DOT1L: variants seen among roughly 807,000 people sequenced by gnomAD.
DOT1L encodes histone-lysine N-methyltransferase, H3 lysine-79 specific.
A neutral mutation model predicts 153.3 loss-of-function variants in DOT1L; 33 were observed. The observed-to-expected ratio is 0.22, with a 90% CI of 0.16 to 0.29. The LOEUF (loss-of-function observed/expected upper bound fraction) is 0.29, where lower values mean the gene tolerates loss of function less well. Ranked by LOEUF, DOT1L falls within the 10% of genes least tolerant of loss-of-function variation. The probability of loss-of-function intolerance (pLI) is 1.00; values close to 1 mark genes in which losing one functional copy is unlikely to be tolerated. For synonymous variants in DOT1L, 1,135 were observed against 965.1 expected, an observed-to-expected ratio of 1.18 and a Z score of -3.26; for missense variants, 1,847 against 2,119.9, an observed-to-expected ratio of 0.87 and a Z score of 2.53.
At chr19:2,199,527 A>C (rs2023157579) in intron 7 of DOT1L, among the ~76,000 whole-genome samples, 1 of 152,168 alleles carries the variant, frequency 6.6e-6, no homozygotes, top group African/African-American at 2.4e-5. Context: ...TCTGGTCCTG[A>C]GAGTGGCTGC....
chr19:2,211,018 G>T (rs2023692007), intron 14 of DOT1L, 81 bp from the exon 15 acceptor site: 1 of 1,490,280 alleles, frequency 6.7e-7, no homozygotes, highest in Middle Eastern at 1.8e-4. Flanking sequence ...AGGGGTTGCT[G>T]GGCACCTGCC....
Position 2,211,157 on chromosome 19 carries a change from C to G in DOT1L, c.1410C>G (p.His470Gln). The stretch of plus-strand genomic sequence containing the variant: ...AGCTACCTCCGAGCGTGCAGCGGCA[C>G]TCCCCCAACCCGCTGCTGGTGGCGC... ...FYQLPPSVQR[H>Q]SPNPLLVAPT... The change falls in exon 15 of 28, where the codon CAC becomes CAG. Residue 470 changes from histidine to glutamine, a missense_variant. Coordinates refer to ENST00000398665, the MANE Select transcript of DOT1L (RefSeq NM_032482.3). The G allele has an allele frequency of 6.2e-6, 10 of 1,612,844 alleles. No homozygotes were observed. The highest frequency in any genetic ancestry group is 8.5e-6 in the Non-Finnish European group (10 of 1,179,734).
At position 2,231,865 on chromosome 19, in the gene DOT1L, C is replaced by T. The variant is rs2024612948; in HGVS notation, c.*2073C>T. On this transcript the variant is annotated 3_prime_UTR_variant, in exon 28 of 28. Coordinates refer to ENST00000398665, the MANE Select transcript of DOT1L (RefSeq NM_032482.3). Reference sequence around the variant, plus strand: ...CATGCAGGGCTCCTGCCCACGCAGGCCACCGTATGTTCAGGACACGCACTG... The same window carrying T: ...CATGCAGGGCTCCTGCCCACGCAGGTCACCGTATGTTCAGGACACGCACTG... The T allele has an allele frequency of 9.1e-6, 2 of 220,278 alleles. No homozygotes were observed. Among genetic ancestry groups the T allele is most frequent in the South Asian group, 1.8e-4 (1 of 5,414 alleles). The allele number at this position is 220,278 out of a possible 1,614,324, so 13.6% of individuals were successfully genotyped here.
chr19:2,213,341 A>G (rs899095865), intron 16 of DOT1L, 198 bp from the exon 17 acceptor site: 2 of 540,100 alleles, frequency 3.7e-6, no homozygotes, highest in African/African-American at 1.9e-5. Context: ...AGTTCTTTGC[A>G]GTGAACCTGA....
At chr19:2,168,038 G>A (rs1376846548) in intron 1 of DOT1L, among the ~76,000 whole-genome samples, 2 of 152,166 alleles carry the variant, frequency 1.3e-5, no homozygotes. Flanking sequence ...CCCAGACGCA[G>A]CTGCAGCAGC....
intron 1 of DOT1L, among the ~76,000 whole-genome samples, chr19:2,176,221 C>A (rs1411212626): frequency 6.6e-6 from 1 of 152,116 alleles, no homozygotes; most frequent in Non-Finnish European, 1.5e-5. Flanking sequence ...TGTCCCCCAG[C>A]CCTCGGTCCA....
chr19:2,209,229 A>ATC (rs199853379), intron 12 of DOT1L, among the ~76,000 whole-genome samples: 9 of 128,182 alleles, frequency 7.0e-5, no homozygotes, highest in African/African-American at 1.8e-4. Context: ...TCACCATTCA[A>ATC]TCTCTCTCTC....
Position 2,209,865 on chromosome 19 carries a change from A to G in DOT1L, c.1006-535A>G, listed in dbSNP as rs552264963. On this transcript the variant is annotated intron_variant, in intron 12 of 27. Coordinates refer to ENST00000398665, the MANE Select transcript of DOT1L (RefSeq NM_032482.3). ...TCGGGGGCCCTCTGTCCTTCCCACCATGCTTAGGGGGATGTGGGTCTTCCC... is the reference window on the plus strand; with the variant it reads ...TCGGGGGCCCTCTGTCCTTCCCACCGTGCTTAGGGGGATGTGGGTCTTCCC... 6.3e-4 allele frequency among the ~76,000 whole-genome samples: 96 copies of G among 152,162 alleles called. 1 individual carries two copies. The highest frequency in any genetic ancestry group is 2.2e-3 in the African/African-American group (92 of 41,524).
chr19:2,197,751 G>A lies in DOT1L; in HGVS notation c.652-2133G>A, dbSNP rs1265189240. On this transcript the variant is annotated intron_variant, in intron 7 of 27. Coordinates refer to ENST00000398665, the MANE Select transcript of DOT1L (RefSeq NM_032482.3). The surrounding 1 kb of genome is among the most constrained non-coding windows in gnomAD (Gnocchi z 4.1). Reference sequence around the variant, plus strand: ...GCATTCTTCGTGGCTTTGGCAACACGTGTCAGAAAGAACCTGGTGGTGGGG... The same window carrying A: ...GCATTCTTCGTGGCTTTGGCAACACATGTCAGAAAGAACCTGGTGGTGGGG... Among the ~76,000 whole-genome samples the A allele has an allele frequency of 6.6e-6, 1 of 152,172 alleles. No individual in the cohort carries two copies. The highest frequency in any genetic ancestry group is 1.9e-4 in the East Asian group (1 of 5,192).
In DOT1L at chr19:2,190,450, G is replaced by T. The variant is rs930707788; in HGVS notation, c.265-562G>T. Among the ~76,000 whole-genome samples the T allele has an allele frequency of 6.6e-6, 1 of 152,116 alleles. No individual in the cohort carries two copies. Among genetic ancestry groups the T allele is most frequent in the African/African-American group, 2.4e-5 (1 of 41,412 alleles). On this transcript the variant is annotated intron_variant, in intron 4 of 27. Transcript: ENST00000398665. The surrounding 1 kb of genome is among the most constrained non-coding windows in gnomAD (Gnocchi z 4.8). Reference sequence around the variant, plus strand: ...GAGTGGGACTGGGCTGGGCTGGGCTGCCCCATCAGCCTGCCACCCGGCTCT... The same window carrying T: ...GAGTGGGACTGGGCTGGGCTGGGCTTCCCCATCAGCCTGCCACCCGGCTCT...
chr19:2,227,699 C>T (rs1286211527), intron 27 of DOT1L: 8 of 1,297,276 alleles, frequency 6.2e-6, no homozygotes, highest in Non-Finnish European at 8.1e-6. Context: ...CTGGATGCTG[C>T]CGCTTGTTGA....
At chr19:2,214,696 T>C in intron 19 of DOT1L, 100 bp downstream of exon 19, 2 of 1,492,356 alleles carry the variant, frequency 1.3e-6, no homozygotes, top group East Asian at 4.9e-5. Flanking sequence ...TGCAGCAGCC[T>C]AGGAAGAAGG....
In DOT1L at chr19:2,190,327, G is replaced by T. The variant is rs2022737433; in HGVS notation, c.264+532G>T. ...TGCTTCCCATGTTCTAGAAAGCACCGGGGGCCCCTGGTGCATGGGGGTAGG... is the reference window on the plus strand; with the variant it reads ...TGCTTCCCATGTTCTAGAAAGCACCTGGGGCCCCTGGTGCATGGGGGTAGG... On this transcript the variant is annotated intron_variant, in intron 4 of 27. Transcript: ENST00000398665. The surrounding 1 kb of genome is among the most constrained non-coding windows in gnomAD (Gnocchi z 4.8). 6.6e-6 allele frequency among the ~76,000 whole-genome samples: 1 copy of T among 152,260 alleles called. No homozygotes were observed. Among genetic ancestry groups the T allele is most frequent in the South Asian group, 2.1e-4 (1 of 4,818 alleles).
At position 2,197,653 on chromosome 19, in the gene DOT1L, C is replaced by T. The variant is rs1013785762; in HGVS notation, c.652-2231C>T. On this transcript the variant is annotated intron_variant, in intron 7 of 27. Transcript: ENST00000398665. This position sits in a 1 kb window ranked among gnomAD's most constrained non-coding sequence, Gnocchi z 4.1. ...CTGCGTTCGTGGTCTGGATTCCGTG[C>T]AGGTTTAGGTGCTCACGGTCAGGCC... Among the ~76,000 whole-genome samples the T allele has an allele frequency of 6.4e-4, 97 of 152,174 alleles. No homozygotes were observed. The highest frequency in any genetic ancestry group is 2.3e-3 in the African/African-American group (96 of 41,428).
intron 3 of DOT1L, among the ~76,000 whole-genome samples, chr19:2,187,899 G>A (rs1412766231): frequency 8.1e-5 from 12 of 148,168 alleles, no homozygotes; most frequent in South Asian, 2.2e-4. Flanking sequence ...TCCAGCCTGG[G>A]TGACAGAGCG....
chr19:2,184,490 T>C (rs2022399573), intron 2 of DOT1L, among the ~76,000 whole-genome samples: 2 of 151,592 alleles, frequency 1.3e-5, no homozygotes, highest in East Asian at 1.9e-4. Context: ...ACTCTCGGAG[T>C]TCTGGGAAGC....
At chr19:2,198,559 CTTGCGTTA>C (rs2023114311) in intron 7 of DOT1L, among the ~76,000 whole-genome samples, 1 of 152,222 alleles carries the variant, frequency 6.6e-6, no homozygotes, top group South Asian at 2.1e-4. Flanking sequence ...CGGCGGCTTG[CTTGCGTTA>C]CCCTCTCTGC....
intron 1 of DOT1L, among the ~76,000 whole-genome samples, chr19:2,165,588 ACCGG>A (rs1248743467): frequency 6.6e-6 from 1 of 152,180 alleles, no homozygotes; most frequent in East Asian, 1.9e-4. Context: ...CAGCGCCCCG[ACCGG>A]TTTCCTCCCT....
chr19:2,175,777 C>G (rs2144677154), intron 1 of DOT1L, among the ~76,000 whole-genome samples: 1 of 152,236 alleles, frequency 6.6e-6, no homozygotes, highest in Admixed American at 6.5e-5. Flanking sequence ...TTGCAGTGAG[C>G]CGAGACTGCG....
Sources: allele counts gnomAD v4.1 joint callset (sites outside exome capture counted in the v4.1 genomes callset), GRCh38; gene constraint gnomAD v4.1.1; non-coding constraint Gnocchi (gnomAD v3.1); transcripts MANE v1.5; gene names NCBI Gene and HGNC (gene_info 2026-07-23, HGNC 2026-07-21).